CRK: variants seen among roughly 807,000 people sequenced by gnomAD.
CRK encodes the protein CRK proto-oncogene, adaptor protein.
CRK carries 4 observed loss-of-function variants against 29.8 expected under a neutral mutation model. That is an observed-to-expected ratio of 0.13 (90% confidence interval 0.07 to 0.31). The LOEUF (loss-of-function observed/expected upper bound fraction) is 0.31, where lower values mean the gene tolerates loss of function less well. Among genes scored for constraint, CRK ranks in the 10% least tolerant of loss-of-function variants. The pLI, the probability that CRK is intolerant of heterozygous loss-of-function variation, is 1.00. For missense variants in CRK, 274 were observed against 396.5 expected, an observed-to-expected ratio of 0.69 and a Z score of 2.62; for synonymous variants, 153 against 164.9, an observed-to-expected ratio of 0.93 and a Z score of 0.55.
chr17:1,423,281 T>C lies in CRK; in HGVS notation c.*232A>G. ...TTCTGATACACACAGGCACGACCACTACCGCCTCCAATTGCCAATTCAGAA... is the reference window on the plus strand; with the variant it reads ...TTCTGATACACACAGGCACGACCACCACCGCCTCCAATTGCCAATTCAGAA... On this transcript the variant is annotated 3_prime_UTR_variant, in exon 3 of 3. Coordinates refer to ENST00000300574, the MANE Select transcript of CRK (RefSeq NM_016823.4). The C allele has an allele frequency of 1.7e-6, 1 of 583,750 alleles. No individual in the cohort carries two copies. Among genetic ancestry groups the C allele is most frequent in the South Asian group, 2.3e-5 (1 of 43,984 alleles). 36.2% of individuals were successfully genotyped at this position (583,750 alleles called of 1,614,324 possible). A position where few individuals can be genotyped will look rare whatever the true frequency, so the allele number is the denominator to read the frequency against.
At chr17:1,437,692 C>T (rs1174710675) in intron 1 of CRK, among the ~76,000 whole-genome samples, 3 of 151,014 alleles carry the variant, frequency 2.0e-5, no homozygotes, top group Non-Finnish European at 4.4e-5. Flanking sequence ...CTCACTGTGT[C>T]GCCCAGGCTG....
intron 2 of CRK, among the ~76,000 whole-genome samples, chr17:1,432,723 G>A (rs145340194): frequency 0.011 from 1,551 of 147,480 alleles, 26 homozygotes; most frequent in African/African-American, 0.029. Context: ...CTTGCAGTGC[G>A]CCGAGATCAC....
At chr17:1,449,041 G>C (rs1056480579) in intron 1 of CRK, among the ~76,000 whole-genome samples, 1 of 152,132 alleles carries the variant, frequency 6.6e-6, no homozygotes, top group African/African-American at 2.4e-5. Flanking sequence ...GCTACCTCCA[G>C]AAGTGGCTTG....
intron 1 of CRK, among the ~76,000 whole-genome samples, chr17:1,445,951 G>A (rs1487992857): frequency 6.6e-6 from 1 of 152,236 alleles, no homozygotes; most frequent in Non-Finnish European, 1.5e-5. Context: ...TTTTAGAAGA[G>A]ATGGGGTTTC....
intron 2 of CRK, among the ~76,000 whole-genome samples, chr17:1,424,031 T>C (rs1258887809): frequency 1.3e-5 from 2 of 150,760 alleles, no homozygotes; most frequent in African/African-American, 4.9e-5. Flanking sequence ...TTCTGCCTGC[T>C]CCGCAGGCCC....
At chr17:1,430,505 C>T (rs186405178) in intron 2 of CRK, among the ~76,000 whole-genome samples, 69 of 151,100 alleles carry the variant, frequency 4.6e-4, no homozygotes, top group Non-Finnish European at 6.2e-4. Context: ...TACAGATGCC[C>T]GCCACCACGT....
At chr17:1,452,740 A>G (rs990875330) in intron 1 of CRK, among the ~76,000 whole-genome samples, 12 of 152,020 alleles carry the variant, frequency 7.9e-5, no homozygotes, top group African/African-American at 2.7e-4. Context: ...CAGTGGGCCA[A>G]TATCGCGCCA....
intron 1 of CRK, among the ~76,000 whole-genome samples, chr17:1,443,215 A>G (rs1465748638): frequency 1.3e-5 from 2 of 151,774 alleles, no homozygotes; most frequent in Non-Finnish European, 2.9e-5. Flanking sequence ...TCCTGACCTC[A>G]GGTGATCCCA....
At chr17:1,455,762 C>T in intron 1 of CRK, 115 bp downstream of exon 1, 2 of 1,327,506 alleles carry the variant, frequency 1.5e-6, no homozygotes, top group South Asian at 3.7e-5. Flanking sequence ...CTGCCACGGT[C>T]ACCCAGCCCT....
At chr17:1,446,667 C>T (rs911906519) in intron 1 of CRK, among the ~76,000 whole-genome samples, 7 of 149,204 alleles carry the variant, frequency 4.7e-5, no homozygotes, top group South Asian at 2.1e-4. Context: ...TCTCGGCTCA[C>T]TGCAAGCTCC....
chr17:1,448,173 T>G (rs938628559), intron 1 of CRK, among the ~76,000 whole-genome samples: 1 of 151,746 alleles, frequency 6.6e-6, no homozygotes, highest in Non-Finnish European at 1.5e-5. Flanking sequence ...CCTAAGCAAA[T>G]AGAATGTTCT....
In CRK at chr17:1,454,587, G is replaced by C. The variant is rs548966458; in HGVS notation, c.241+1290C>G. ...CTATCCAATTCTCTATTTCTGGCCG[G>C]AGCGAGTAAATCTAAATTAGAACTA... On this transcript the variant is annotated intron_variant, in intron 1 of 2. Coordinates refer to ENST00000300574, the MANE Select transcript of CRK (RefSeq NM_016823.4). 3.3e-5 allele frequency among the ~76,000 whole-genome samples: 5 copies of C among 152,286 alleles called. No homozygotes were observed. In the South Asian group the frequency reaches 1.0e-3, roughly 32 times the overall value.
chr17:1,441,694 C>T (rs1296081445), intron 1 of CRK, among the ~76,000 whole-genome samples: 1 of 151,672 alleles, frequency 6.6e-6, no homozygotes, highest in Non-Finnish European at 1.5e-5. Context: ...GTTTCACCAT[C>T]TTGGCCAGGC....
intron 1 of CRK, among the ~76,000 whole-genome samples, chr17:1,451,973 A>G (rs1009639631): frequency 3.3e-5 from 5 of 152,150 alleles, no homozygotes; most frequent in African/African-American, 9.7e-5. Context: ...GGGGGGCAAG[A>G]GCGAAACTCC....
rs770651188 is a variant in CRK, at chr17:1,456,001, G to A, written c.117C>T (p.Asp39=). ...GQRHGVFLVR[D]SSTSPGDYVL... ...CATAGTCCCCGGGGCTGGTGCTCGA[G>A]TCCCGCACCAGGAACACCCCGTGCC... The change falls in exon 1 of 3, where the codon GAC becomes GAT. Residue 39 remains aspartate (D), a synonymous_variant. Transcript: ENST00000300574. The A allele has an allele frequency of 3.7e-6, 6 of 1,600,576 alleles. No individual in the cohort carries two copies. The highest frequency in any genetic ancestry group is 2.3e-5 in the East Asian group (1 of 43,218).
At chr17:1,448,638 AAAAAG>A (rs1158870107) in intron 1 of CRK, among the ~76,000 whole-genome samples, 1,455 of 54,274 alleles carry the variant, frequency 0.027, 64 homozygotes, top group South Asian at 0.082. Context: ...AAAAAAAAAA[AAAAAG>A]AAAAAGTGGC....
At chr17:1,443,246 T>C (rs2073948958) in intron 1 of CRK, among the ~76,000 whole-genome samples, 1 of 152,046 alleles carries the variant, frequency 6.6e-6, no homozygotes, top group Non-Finnish European at 1.5e-5. Flanking sequence ...CCTCTCAAAG[T>C]GTTGGGATTA....
chr17:1,449,098 T>C (rs1267948115), intron 1 of CRK, among the ~76,000 whole-genome samples: 1 of 151,792 alleles, frequency 6.6e-6, no homozygotes, highest in African/African-American at 2.4e-5. Flanking sequence ...CTCGAGGGAG[T>C]ATCACAAACT....
intron 1 of CRK, among the ~76,000 whole-genome samples, chr17:1,445,908 C>T (rs1568019837): frequency 6.6e-6 from 1 of 152,160 alleles, no homozygotes; most frequent in Non-Finnish European, 1.5e-5. Context: ...GTTGGCAGGT[C>T]AGTGCTCAGT....
Sources: allele counts gnomAD v4.1 joint callset (sites outside exome capture counted in the v4.1 genomes callset), GRCh38; gene constraint gnomAD v4.1.1; transcripts MANE v1.5; gene names NCBI Gene and HGNC (gene_info 2026-07-23, HGNC 2026-07-21).